The following TRMT44 variants were observed in gnomAD, a reference collection of about 807,000 sequenced individuals.
The protein encoded by TRMT44 is tRNA methyltransferase 44 homolog.
In TRMT44, 78 loss-of-function variants were observed where a neutral mutation model predicts 77.3. The observed-to-expected ratio is 1.01, with a 90% CI of 0.84 to 1.22. The LOEUF (loss-of-function observed/expected upper bound fraction) is 1.22. Ranked by LOEUF, TRMT44 falls within the 50% of genes most tolerant of loss-of-function variation. The pLI is 0.00. For missense variants in TRMT44, 1,090 were observed against 964.4 expected (o/e 1.13, Z -1.73); for synonymous variants, 391 against 383.3 (o/e 1.02, Z -0.23).
chr4:8,468,722 G>T (rs1021142860), intron 9 of TRMT44, among the ~76,000 whole-genome samples: 1 of 152,244 alleles, frequency 6.6e-6, no homozygotes, highest in African/African-American at 2.4e-5. Context: ...TGGAGCTGTT[G>T]TGATTCGATA....
intron 1 of TRMT44, among the ~76,000 whole-genome samples, chr4:8,442,220 A>G (rs1467078716): frequency 6.6e-6 from 1 of 152,206 alleles, no homozygotes; most frequent in Admixed American, 6.5e-5. Context: ...GCTTTCCACA[A>G]CTTATTGTCT....
In TRMT44 at chr4:8,453,556, G is replaced by T. The variant is rs554341483; in HGVS notation, c.1131+567G>T. ...TACACAGACAACAGTATGGAACAGT[G>T]TGGTGTGTGGTACTGGGTTTTGCCC... On this transcript the variant is annotated intron_variant, in intron 5 of 10. Transcript: ENST00000389737. 4 of 152,444 alleles carry T rather than the reference G, an allele frequency of 2.6e-5. No homozygotes were observed. In the East Asian group the frequency reaches 7.7e-4, roughly 29 times the overall value. The allele number at this position is 152,444 out of a possible 1,614,324, so 9.4% of individuals were successfully genotyped here. A position where few individuals can be genotyped will look rare whatever the true frequency, so the allele number is the denominator to read the frequency against.
At chr4:8,475,381 C>T (rs926323854) in intron 10 of TRMT44, among the ~76,000 whole-genome samples, 5 of 152,228 alleles carry the variant, frequency 3.3e-5, no homozygotes, top group Non-Finnish European at 5.9e-5. Context: ...GGTCGGTGGC[C>T]TCAATGATGA....
At chr4:8,456,607 AG>A (rs570994077) in intron 6 of TRMT44, among the ~76,000 whole-genome samples, 117 of 152,208 alleles carry the variant, frequency 7.7e-4, no homozygotes, top group Non-Finnish European at 1.5e-3. Context: ...GTACACCAGC[AG>A]GCGGGTGTAT....
chr4:8,454,689 C>G (rs1050249011), intron 5 of TRMT44, 53 bp from the exon 6 acceptor site: 19 of 1,559,242 alleles, frequency 1.2e-5, no homozygotes, highest in Non-Finnish European at 1.7e-5. Flanking sequence ...TTCTTGCTAA[C>G]TTATTATGAA....
At chr4:8,498,295 C>T (rs1488088184), downstream of TRMT44, among the ~76,000 whole-genome samples, 7 of 152,220 alleles carry the variant, frequency 4.6e-5, no homozygotes, top group African/African-American at 1.4e-4. This position sits in a 1 kb window ranked among gnomAD's most constrained non-coding sequence, Gnocchi z 4.3. Flanking sequence ...GATTCTACCT[C>T]GTGCACCTCC....
chr4:8,501,837 C>T, the TRMT44 span, among the ~76,000 whole-genome samples: 1 of 152,318 alleles, frequency 6.6e-6, no homozygotes, highest in South Asian at 2.1e-4. The surrounding 1 kb of genome is among the most constrained non-coding windows in gnomAD (Gnocchi z 4.4). Flanking sequence ...GCCCCAGCCT[C>T]TCCATCCAAA....
chr4:8,491,702 G>C (rs575785350), intron 2 of TRMT44, among the ~76,000 whole-genome samples: 39 of 152,342 alleles, frequency 2.6e-4, no homozygotes, highest in Middle Eastern at 3.4e-3. Context: ...CGGCTGCTCC[G>C]AGTGCAGGCC....
chr4:8,464,092 G>C lies in TRMT44; in HGVS notation c.1310+1G>C, dbSNP rs764137835. On this transcript the variant is annotated splice_donor_variant, in intron 7 of 10. Coordinates refer to ENST00000389737, the MANE Select transcript of TRMT44 (RefSeq NM_152544.3). LOFTEE classifies it high-confidence loss of function. Reference sequence around the variant, plus strand: ...CATGGATACCTGTCATTGCAGCCAGGTGAGAAGTAGAGGAGTTATCAGGTG... The same window carrying C: ...CATGGATACCTGTCATTGCAGCCAGCTGAGAAGTAGAGGAGTTATCAGGTG... The C allele has an allele frequency of 6.2e-7, 1 of 1,612,884 alleles. No homozygotes were observed. The highest frequency in any genetic ancestry group is 1.1e-5 in the South Asian group (1 of 90,958).
At chr4:8,483,135 G>A (rs1727680561) in intron 2 of TRMT44, among the ~76,000 whole-genome samples, 1 of 152,086 alleles carries the variant, frequency 6.6e-6, no homozygotes, top group African/African-American at 2.4e-5. Flanking sequence ...AATAAGAGAA[G>A]GAGAAAAACA....
the TRMT44 span, among the ~76,000 whole-genome samples, chr4:8,506,138 C>T: frequency 6.6e-6 from 1 of 152,172 alleles, no homozygotes; most frequent in Non-Finnish European, 1.5e-5. Context: ...ACATGGGACA[C>T]CAGCTAGAGA....
the TRMT44 span, among the ~76,000 whole-genome samples, chr4:8,504,698 C>T: frequency 2.6e-5 from 4 of 152,142 alleles, no homozygotes; most frequent in African/African-American, 9.7e-5. This position sits in a 1 kb window ranked among gnomAD's most constrained non-coding sequence, Gnocchi z 5.3. Flanking sequence ...CAGAGCTCTT[C>T]CTGGGGTCTC....
chr4:8,465,352 C>G lies in TRMT44; in HGVS notation c.1311-26C>G, dbSNP rs373286924. 1.3e-5 allele frequency: 20 copies of G among 1,594,684 alleles called. No individual in the cohort carries two copies. The East Asian group carries it at 4.0e-4, about 32-fold the overall frequency. On this transcript the variant is annotated intron_variant, in intron 7 of 10. Coordinates refer to ENST00000389737, the MANE Select transcript of TRMT44 (RefSeq NM_152544.3). ...ACTGCGTCTGCTCAGGATGCTTGAC[C>G]CTGTGGTTGTTGGTTCTTTTTGAAG...
At position 8,465,401 on chromosome 4, in the gene TRMT44, T is replaced by G; in HGVS notation, c.1334T>G (p.Phe445Cys). 6.2e-7 allele frequency: 1 copy of G among 1,613,024 alleles called. No homozygotes were observed. The highest frequency in any genetic ancestry group is 8.5e-7 in the Non-Finnish European group (1 of 1,179,660). Reference protein sequence around the residue: ...AARSSYNCRFFVLPCCFFDFI... With the variant: ...AARSSYNCRFCVLPCCFFDFI... ...AGGTCTTCCTACAATTGCCGCTTCT[T>G]TGTCCTCCCCTGCTGCTTCTTTGAC... Residue 445 changes from phenylalanine (F) to cysteine (C), a missense_variant, in exon 8 of 11, where the codon TTT (phenylalanine) becomes TGT (cysteine). Transcript: ENST00000389737.
rs112997829 is a variant in TRMT44, at chr4:8,441,412, C to G, written c.590C>G (p.Thr197Arg). 15,715 of 1,523,886 alleles carry G rather than the reference C, an allele frequency of 0.01. 162 individuals carry two copies. Among genetic ancestry groups the G allele is most frequent in the South Asian group, 0.034 (2,841 of 82,956 alleles). 94.4% of individuals were successfully genotyped at this position (1,523,886 alleles called of 1,614,324 possible). ...AAAACTAGCCCACATTGCCCCCTTACAACTCCCAGGAGGGAAATAGTCGTG... is the reference window on the plus strand; with the variant it reads ...AAAACTAGCCCACATTGCCCCCTTAGAACTCCCAGGAGGGAAATAGTCGTG... Reference protein sequence around the residue: ...IPKTSPHCPLTTPRREIVVQD... With the variant: ...IPKTSPHCPLRTPRREIVVQD... The change falls in exon 1 of 11, where the codon ACA becomes AGA. Residue 197 changes from threonine (T) to arginine (R), a missense_variant. By Grantham distance (71) the Thr-to-Arg change is moderately conservative. Coordinates refer to ENST00000389737, the MANE Select transcript of TRMT44 (RefSeq NM_152544.3).
At chr4:8,498,883 C>T in the TRMT44 span, among the ~76,000 whole-genome samples, 3 of 152,118 alleles carry the variant, frequency 2.0e-5, no homozygotes, top group African/African-American at 7.2e-5. The surrounding 1 kb of genome is among the most constrained non-coding windows in gnomAD (Gnocchi z 4.3). Context: ...AGCCACGGGG[C>T]CCTCTATATT....
intron 2 of TRMT44, among the ~76,000 whole-genome samples, chr4:8,492,051 G>A (rs534482047): frequency 1.3e-5 from 2 of 152,324 alleles, no homozygotes; most frequent in South Asian, 4.1e-4. Flanking sequence ...GTCTTTCTTT[G>A]TGCAGTGGTC....
At chr4:8,510,972 A>T in the TRMT44 span, 1 of 152,804 alleles carries the variant, frequency 6.5e-6, no homozygotes, top group Admixed American at 6.5e-5. Context: ...GTCCTGAGGA[A>T]TGAGCTGGCA....
At chr4:8,500,529 T>A in the TRMT44 span, among the ~76,000 whole-genome samples, 6 of 151,900 alleles carry the variant, frequency 3.9e-5, no homozygotes, top group South Asian at 8.3e-4. Flanking sequence ...ATAAAATAAA[T>A]TAAAAGCCCT....
Sources: allele counts gnomAD v4.1 joint callset (sites outside exome capture counted in the v4.1 genomes callset), GRCh38; gene constraint gnomAD v4.1.1; non-coding constraint Gnocchi (gnomAD v3.1); transcripts MANE v1.5; gene names NCBI Gene and HGNC (gene_info 2026-07-23, HGNC 2026-07-21).